The following CFHR2 variants were observed in gnomAD, a reference collection of about 807,000 sequenced individuals.
CFHR2 encodes complement factor H related 2.
Under a neutral mutation model 21.7 loss-of-function variants are expected in CFHR2, and 22 were observed. The observed-to-expected ratio is 1.01, with a 90% CI of 0.72 to 1.45. CFHR2 has a LOEUF of 1.45. Ranked by LOEUF, CFHR2 falls within the 40% of genes most tolerant of loss-of-function variation. CFHR2 has a pLI of 0.00. For synonymous variants in CFHR2, 98 were observed against 97.4 expected, an observed-to-expected ratio of 1.01 and a Z score of -0.04; for missense variants, 294 against 293.3, an observed-to-expected ratio of 1.00 and a Z score of -0.02.
chr1:196,956,522 G>A (rs560162580), intron 3 of CFHR2, among the ~76,000 whole-genome samples: 12 of 152,042 alleles, frequency 7.9e-5, no homozygotes, highest in Admixed American at 2.6e-4. Context: ...TTATTCTAAA[G>A]TTCTCTAAGC....
At chr1:196,949,378 A>G in intron 1 of CFHR2, 77 bp from the exon 2 acceptor site, 1 of 1,383,162 alleles carries the variant, frequency 7.2e-7, no homozygotes, top group Non-Finnish European at 9.8e-7. Context: ...AAACTAAATG[A>G]GATGATTAAA....
chr1:196,948,093 C>T (rs1190292846), intron 1 of CFHR2, among the ~76,000 whole-genome samples: 1 of 152,002 alleles, frequency 6.6e-6, no homozygotes, highest in Non-Finnish European at 1.5e-5. Flanking sequence ...CCTGCACCAT[C>T]GTGTATATGG....
chr1:196,956,618 T>A (rs1427891238), intron 3 of CFHR2, among the ~76,000 whole-genome samples: 1 of 152,208 alleles, frequency 6.6e-6, no homozygotes, highest in Non-Finnish European at 1.5e-5. Flanking sequence ...TATTCATCTG[T>A]CATCTCCCAG....
At chr1:196,950,692 C>T (rs574092540) in intron 2 of CFHR2, among the ~76,000 whole-genome samples, 160 bp from the exon 3 acceptor site, 4 of 152,196 alleles carry the variant, frequency 2.6e-5, no homozygotes, top group Non-Finnish European at 4.4e-5. Context: ...AGGCTGGCCT[C>T]GAACTCATGG....
At chr1:196,957,124 T>C (rs1290400035) in intron 3 of CFHR2, among the ~76,000 whole-genome samples, 1 of 152,126 alleles carries the variant, frequency 6.6e-6, no homozygotes, top group Non-Finnish European at 1.5e-5. Context: ...GCTCTTTTCC[T>C]GGGCTTTTGG....
chr1:196,957,345 CTTTT>C (rs5779854), intron 3 of CFHR2, among the ~76,000 whole-genome samples: 1 of 140,076 alleles, frequency 7.1e-6, no homozygotes, highest in African/African-American at 2.6e-5. Context: ...TGTTCTTTTC[CTTTT>C]TTTTTTTTTT....
At position 196,950,939 on chromosome 1, in the gene CFHR2, G is replaced by C; in HGVS notation, c.341G>C (p.Cys114Ser). ...GAAGGTGATACTGTACAAATTATTT[G>C]CAACACAGGATACAGACTTCAAAAC... The part of the protein sequence containing the change: ...HLEGDTVQII[C>S]NTGYRLQNNE... The change falls in exon 3 of 5, where the codon TGC (cysteine) becomes TCC (serine). Residue 114 changes from cysteine (C) to serine (S), a missense_variant. Physicochemically the swap from Cys to Ser is moderately radical, Grantham distance 112. Transcript: ENST00000367415. 1.9e-6 allele frequency: 3 copies of C among 1,614,020 alleles called. No individual in the cohort carries two copies. Among genetic ancestry groups the C allele is most frequent in the Non-Finnish European group, 2.5e-6 (3 of 1,179,996 alleles).
chr1:196,949,953 C>T (rs1395663706), intron 2 of CFHR2, among the ~76,000 whole-genome samples: 1 of 152,190 alleles, frequency 6.6e-6, no homozygotes, highest in Non-Finnish European at 1.5e-5. Flanking sequence ...GCAGCCTGAT[C>T]ATAGTTTTCC....
chr1:196,949,746 T>C (rs1659656885), intron 2 of CFHR2, 97 bp downstream of exon 2: 1 of 1,481,758 alleles, frequency 6.7e-7, no homozygotes, highest in African/African-American at 1.4e-5. Flanking sequence ...ACAGGAGCAG[T>C]GACCAGAGGA....
chr1:196,948,032 G>T (rs1659579399), intron 1 of CFHR2, among the ~76,000 whole-genome samples: 1 of 152,012 alleles, frequency 6.6e-6, no homozygotes, highest in South Asian at 2.1e-4. Flanking sequence ...CACAAAGAAA[G>T]AGTCAAAAAG....
chr1:196,959,174 C>G lies in CFHR2; in HGVS notation c.*94C>G. On this transcript the variant is annotated 3_prime_UTR_variant, in exon 5 of 5. Coordinates refer to ENST00000367415, the MANE Select transcript of CFHR2 (RefSeq NM_005666.4). ...TTCATTTTTCAAGTACTGTTTTACT[C>G]ATTTTTATTCATAAATAAAGTTTTG... is the stretch of plus-strand genomic sequence containing the variant. 1 of 874,422 alleles carries G rather than the reference C, an allele frequency of 1.1e-6. No homozygotes were observed. The highest frequency in any genetic ancestry group is 2.7e-5 in the East Asian group (1 of 36,950). The allele number at this position is 874,422 out of a possible 1,614,324, so 54.2% of individuals were successfully genotyped here.
chr1:196,950,376 T>G (rs1215711239), intron 2 of CFHR2, among the ~76,000 whole-genome samples: 1 of 152,244 alleles, frequency 6.6e-6, no homozygotes, highest in Non-Finnish European at 1.5e-5. Context: ...TATTTCATCA[T>G]ATATATAGTA....
chr1:196,947,607 A>G (rs1368509157), intron 1 of CFHR2, among the ~76,000 whole-genome samples: 1 of 152,236 alleles, frequency 6.6e-6, no homozygotes, highest in East Asian at 1.9e-4. Context: ...ATTAAACATT[A>G]CTTCTAGACA....
chr1:196,957,881 G>A lies in CFHR2; in HGVS notation c.431-10G>A. ...TTACTCTCCCAGTAAATCAAATGAT[G>A]TTTTTTTAGTTTCTGCAGAAAAATG... On this transcript the variant is annotated splice_polypyrimidine_tract_variant and intron_variant, in intron 3 of 4. Coordinates refer to ENST00000367415, the MANE Select transcript of CFHR2 (RefSeq NM_005666.4). 2 of 1,607,268 alleles carry A rather than the reference G, an allele frequency of 1.2e-6. No individual in the cohort carries two copies. The highest frequency in any genetic ancestry group is 1.7e-5 in the Admixed American group (1 of 59,392).
At position 196,957,878 on chromosome 1, in the gene CFHR2, G is replaced by A. The variant is rs890505536; in HGVS notation, c.431-13G>A. The A allele has an allele frequency of 6.2e-7, 1 of 1,606,830 alleles. No homozygotes were observed. The highest frequency in any genetic ancestry group is 8.5e-7 in the Non-Finnish European group (1 of 1,175,918). On this transcript the variant is annotated splice_polypyrimidine_tract_variant and intron_variant, in intron 3 of 4. Transcript: ENST00000367415. ...TATTTACTCTCCCAGTAAATCAAAT[G>A]ATGTTTTTTTAGTTTCTGCAGAAAA... is the stretch of plus-strand genomic sequence containing the variant.
chr1:196,948,434 C>T (rs1359291185), intron 1 of CFHR2, among the ~76,000 whole-genome samples: 1 of 151,948 alleles, frequency 6.6e-6, no homozygotes, highest in Admixed American at 6.6e-5. Context: ...CACCACCACA[C>T]CTGGCTAATT....
chr1:196,955,986 G>A (rs955896663), intron 3 of CFHR2, among the ~76,000 whole-genome samples: 2 of 152,186 alleles, frequency 1.3e-5, no homozygotes, highest in African/African-American at 2.4e-5. Flanking sequence ...GAGACAAGTG[G>A]ATGAAGGAGG....
intron 3 of CFHR2, among the ~76,000 whole-genome samples, chr1:196,953,535 G>C (rs1467152745): frequency 6.6e-6 from 1 of 152,018 alleles, no homozygotes; most frequent in Non-Finnish European, 1.5e-5. Context: ...CACCAACCTT[G>C]GTATCCCAAA....
chr1:196,954,995 C>A (rs1273968701), intron 3 of CFHR2, among the ~76,000 whole-genome samples: 2 of 152,264 alleles, frequency 1.3e-5, no homozygotes, highest in African/African-American at 4.8e-5. Context: ...CATTTGGCTT[C>A]TTGTAACTTA....
Sources: gnomAD v4.1 joint callset for allele counts (sites outside exome capture counted in the v4.1 genomes callset) on GRCh38, gnomAD v4.1.1 for gene constraint, MANE v1.5 for transcripts, NCBI Gene and HGNC (gene_info 2026-07-23, HGNC 2026-07-21) for gene names.